The following CCDC170 variants were observed in gnomAD, a reference collection of about 807,000 sequenced individuals.
CCDC170 encodes coiled-coil domain containing 170, also known as coiled-coil domain-containing protein 170.
A neutral mutation model predicts 72.6 loss-of-function variants in CCDC170; 69 were observed. That is an observed-to-expected ratio of 0.95 (90% CI 0.78 to 1.16). The LOEUF (loss-of-function observed/expected upper bound fraction) is 1.16, where lower values mean the gene tolerates loss of function less well. Among genes scored for constraint, CCDC170 ranks in the 50% most tolerant of loss-of-function variants. CCDC170 has a pLI of 0.00. For missense variants in CCDC170, 852 were observed against 832.5 expected (o/e 1.02, Z -0.29); for synonymous variants, 300 against 303.9 (o/e 0.99, Z 0.13).
At chr6:151,549,989 C>T (rs1379592732) in intron 5 of CCDC170, among the ~76,000 whole-genome samples, 1 of 151,922 alleles carries the variant, frequency 6.6e-6, no homozygotes, top group South Asian at 2.1e-4. Flanking sequence ...GGACATGGAC[C>T]TTGTAATTCT....
intron 5 of CCDC170, among the ~76,000 whole-genome samples, chr6:151,565,246 C>T (rs540939466): frequency 4.6e-5 from 7 of 152,246 alleles, no homozygotes; most frequent in South Asian, 4.2e-4. Context: ...GAGGCTGGCT[C>T]TCAAAATGGC....
chr6:151,588,268 G>A (rs1011046257), intron 7 of CCDC170, among the ~76,000 whole-genome samples: 4 of 152,044 alleles, frequency 2.6e-5, no homozygotes, highest in South Asian at 2.1e-4. Context: ...TGGGCCACAC[G>A]TAAAATACAC....
intron 10 of CCDC170, among the ~76,000 whole-genome samples, chr6:151,616,744 A>G (rs1776973999): frequency 6.6e-6 from 1 of 152,164 alleles, no homozygotes; most frequent in African/African-American, 2.4e-5. Context: ...GAGAAGTCCA[A>G]GATCAAAGTG....
chr6:151,587,031 G>T (rs997574584), intron 7 of CCDC170, among the ~76,000 whole-genome samples: 2 of 151,990 alleles, frequency 1.3e-5, no homozygotes, highest in African/African-American at 2.4e-5. Flanking sequence ...TGATCTGCCC[G>T]CCTCGGCCTC....
chr6:151,564,522 A>G (rs1776097371), intron 5 of CCDC170, among the ~76,000 whole-genome samples: 1 of 152,168 alleles, frequency 6.6e-6, no homozygotes, highest in African/African-American at 2.4e-5. Context: ...CCTGGGCAGC[A>G]GTGTGGCATG....
intron 1 of CCDC170, among the ~76,000 whole-genome samples, chr6:151,494,468 G>A (rs1174061736): frequency 6.6e-6 from 1 of 152,156 alleles, no homozygotes; most frequent in Non-Finnish European, 1.5e-5. Flanking sequence ...TGGCCGGGCA[G>A]TTCCTCCCCG....
chr6:151,510,026 G>A (rs553624090), intron 1 of CCDC170, among the ~76,000 whole-genome samples: 1 of 152,322 alleles, frequency 6.6e-6, no homozygotes, highest in African/African-American at 2.4e-5. Context: ...AGGAGGCTGA[G>A]GTATGAGAAT....
chr6:151,500,633 A>G (rs2115017741), intron 1 of CCDC170, among the ~76,000 whole-genome samples: 1 of 152,246 alleles, frequency 6.6e-6, no homozygotes, highest in South Asian at 2.1e-4. Context: ...GATTGGCTAT[A>G]TTAATATTAT....
chr6:151,540,220 G>T (rs1028208217), intron 3 of CCDC170, among the ~76,000 whole-genome samples: 3 of 151,958 alleles, frequency 2.0e-5, no homozygotes, highest in Non-Finnish European at 4.4e-5. Flanking sequence ...GGCCTATTCA[G>T]TTCCTGGTGA....
intron 1 of CCDC170, among the ~76,000 whole-genome samples, chr6:151,505,107 G>A (rs944595811): frequency 1.3e-5 from 2 of 152,154 alleles, no homozygotes; most frequent in African/African-American, 2.4e-5. Context: ...GGAGCTGCCC[G>A]CTGGCCTCCT....
intron 1 of CCDC170, among the ~76,000 whole-genome samples, chr6:151,499,066 C>T (rs13212111): frequency 2.6e-5 from 3 of 113,668 alleles, no homozygotes; most frequent in African/African-American, 8.0e-5. Flanking sequence ...ATTCTAGGCA[C>T]TCTGTATAAG....
chr6:151,584,624 T>C (rs1283964137), intron 6 of CCDC170, among the ~76,000 whole-genome samples: 1 of 152,202 alleles, frequency 6.6e-6, no homozygotes, highest in Non-Finnish European at 1.5e-5. Context: ...TTATACTTTT[T>C]GTGGTTAAAA....
chr6:151,509,439 C>G (rs1782116490), intron 1 of CCDC170, among the ~76,000 whole-genome samples: 1 of 152,158 alleles, frequency 6.6e-6, no homozygotes, highest in African/African-American at 2.4e-5. Flanking sequence ...TGCTAAAAAA[C>G]TGCTAGTTGC....
At chr6:151,496,751 A>T (rs944087273) in intron 1 of CCDC170, among the ~76,000 whole-genome samples, 3 of 152,246 alleles carry the variant, frequency 2.0e-5, no homozygotes, top group Non-Finnish European at 2.9e-5. Context: ...AGATTCAAAC[A>T]ATCCTGATTA....
chr6:151,610,896 T>C (rs1403585694), intron 9 of CCDC170, among the ~76,000 whole-genome samples: 1 of 152,232 alleles, frequency 6.6e-6, no homozygotes, highest in African/African-American at 2.4e-5. Flanking sequence ...TTCTTGATTG[T>C]AAATTTCATA....
Position 151,572,654 on chromosome 6 carries a change from T to TTTTTTGTTG in CCDC170, c.775-515_775-514insGTTGTTTTT, listed in dbSNP as rs1343575173. 5.0e-3 allele frequency among the ~76,000 whole-genome samples: 147 copies of TTTTTTGTTG among 29,684 alleles called. 5 individuals are homozygous for TTTTTTGTTG. Among genetic ancestry groups the TTTTTTGTTG allele is most frequent in the African/African-American group, 0.013 (142 of 10,744 alleles). The allele number at this position is 29,684 out of a possible 152,430, so 19.5% of individuals were successfully genotyped here. On this transcript the variant is annotated intron_variant, in intron 5 of 10. Coordinates refer to ENST00000239374, the MANE Select transcript of CCDC170 (RefSeq NM_025059.4). Reference sequence around the variant, plus strand: ...ATTTTATATCCCTTCTCTGTGTTTTTTTTTTTTTTTTTTTTGATGGAGTCT... The same window carrying TTTTTTGTTG: ...ATTTTATATCCCTTCTCTGTGTTTTTTTTTTGTTGTTTTTTTTTTTTTTTGATGGAGTCT...
chr6:151,575,186 T>A (rs1776283362), intron 6 of CCDC170, among the ~76,000 whole-genome samples: 1 of 152,182 alleles, frequency 6.6e-6, no homozygotes, highest in Non-Finnish European at 1.5e-5. Context: ...AGTCCTTGTA[T>A]AATTCCATTA....
rs1776249306 is a variant in CCDC170 at position 151,573,220 on chromosome 6, T to C, written c.821T>C (p.Val274Ala). The change falls in exon 6 of 11, where the codon GTT becomes GCT. Residue 274 changes from valine (V) to alanine (A), a missense_variant. Coordinates refer to ENST00000239374, the MANE Select transcript of CCDC170 (RefSeq NM_025059.4). ...VEAKEALERE[V>A]KIFQERLLAG... The stretch of plus-strand genomic sequence containing the variant: ...GCAAAAGAAGCTCTTGAAAGGGAAG[T>C]TAAGATCTTCCAAGAAAGGCTGCTT... The C allele has an allele frequency of 1.2e-6, 2 of 1,614,018 alleles. No individual in the cohort carries two copies. The highest frequency in any genetic ancestry group is 1.7e-4 in the Middle Eastern group (1 of 6,010).
Position 151,547,109 on chromosome 6 carries a change from T to C in CCDC170, c.589-1195T>C, listed in dbSNP as rs930741198. On this transcript the variant is annotated intron_variant, in intron 4 of 10. Transcript: ENST00000239374. ...TGGCTCTGGTTTCAAAACTGTTCCT[T>C]CGCTTTCACACGCCCTCATAAACAC... 3.9e-5 allele frequency among the ~76,000 whole-genome samples: 6 copies of C among 152,304 alleles called. No homozygotes were observed. The South Asian group carries it at 1.2e-3, about 32-fold the overall frequency.
Sources: allele counts gnomAD v4.1 joint callset (sites outside exome capture counted in the v4.1 genomes callset), GRCh38; gene constraint gnomAD v4.1.1; transcripts MANE v1.5; gene names NCBI Gene and HGNC (gene_info 2026-07-23, HGNC 2026-07-21).